Variants in FMR1NB observed in about 807,000 individuals in gnomAD.
FMR1NB encodes FMR1 neighbor, also known as FMR1 neighbor protein.
FMR1NB carries 10 observed loss-of-function variants against 16.8 expected under a neutral mutation model. The observed-to-expected ratio is 0.60, with a 90% CI of 0.37 to 1.01. The LOEUF (loss-of-function observed/expected upper bound fraction) is 1.01, where lower values mean the gene tolerates loss of function less well. FMR1NB is among the 50% of genes least tolerant of loss of function. FMR1NB has a pLI of 0.01. For synonymous variants in FMR1NB, 83 were observed against 79.1 expected (o/e 1.05, Z -0.26); for missense variants, 205 against 204.8 (o/e 1.00, Z 0.00).
At chrX:148,008,359 T>C in intron 3 of FMR1NB, 1 of 314,493 alleles carries the variant, frequency 3.2e-6, no homozygotes, top group Non-Finnish European at 5.5e-6. Flanking sequence ...TAATCAATGA[T>C]GGTACAAAAA....
chrX:148,021,397 C>CTT (rs781961309), intron 4 of FMR1NB, among the ~76,000 whole-genome samples: 4 of 90,734 alleles, frequency 4.4e-5, no homozygotes, highest in Admixed American at 2.4e-4. Context: ...TATGAAGGGG[C>CTT]TTTTTTTTTT....
At chrX:148,001,994 G>C (rs1330891713) in intron 1 of FMR1NB, among the ~76,000 whole-genome samples, 1 of 110,766 alleles carries the variant, frequency 9.0e-6, no homozygotes, top group Non-Finnish European at 1.9e-5. Context: ...TATACTCCAG[G>C]TGTATTAAAT....
At chrX:147,984,214 T>C (rs2044465067) in intron 1 of FMR1NB, among the ~76,000 whole-genome samples, 1 of 111,709 alleles carries the variant, frequency 9.0e-6, no homozygotes, top group Non-Finnish European at 1.9e-5. Flanking sequence ...CTAACGACTC[T>C]ATATAAATTT....
intron 4 of FMR1NB, among the ~76,000 whole-genome samples, chrX:148,016,815 G>A (rs1398424121): frequency 5.4e-5 from 6 of 110,645 alleles, no homozygotes; most frequent in Non-Finnish European, 3.8e-5. Context: ...TATAGTAGTC[G>A]ATGTTTTGAA....
intron 2 of FMR1NB, among the ~76,000 whole-genome samples, chrX:148,006,035 T>C (rs1049831678): frequency 1.8e-5 from 2 of 112,002 alleles, no homozygotes; most frequent in African/African-American, 3.2e-5. Flanking sequence ...TTGTTTCTCT[T>C]ATAAAGCAGG....
At chrX:148,005,377 C>T (rs1475100804) in intron 2 of FMR1NB, among the ~76,000 whole-genome samples, 2 of 111,231 alleles carry the variant, frequency 1.8e-5, no homozygotes, top group African/African-American at 6.5e-5. Flanking sequence ...GCAAGGAAAT[C>T]CATCCCATCT....
At chrX:148,003,358 C>A (rs1334377258) in intron 2 of FMR1NB, 38 bp downstream of exon 2, 2 of 1,191,622 alleles carry the variant, frequency 1.7e-6, no homozygotes, top group South Asian at 1.8e-5. Flanking sequence ...CTCTAATGTT[C>A]TTGTTTTGAA....
intron 4 of FMR1NB, among the ~76,000 whole-genome samples, chrX:148,010,820 A>G (rs2044620054): frequency 9.0e-6 from 1 of 111,169 alleles, no homozygotes; most frequent in African/African-American, 3.3e-5. Flanking sequence ...CTCCTGCTAA[A>G]TCCTGTCTTA....
chrX:148,014,151 T>C (rs1557189895), intron 4 of FMR1NB, among the ~76,000 whole-genome samples: 1 of 111,218 alleles, frequency 9.0e-6, no homozygotes, highest in East Asian at 2.8e-4. Context: ...TAATGATATA[T>C]CTAATCCAAG....
At chrX:148,018,534 T>A (rs1242279345) in intron 4 of FMR1NB, among the ~76,000 whole-genome samples, 2 of 111,717 alleles carry the variant, frequency 1.8e-5, no homozygotes, top group Non-Finnish European at 3.8e-5. Flanking sequence ...TCTATAACTA[T>A]CTGATCTTTG....
intron 4 of FMR1NB, among the ~76,000 whole-genome samples, chrX:148,023,596 A>T (rs1249531770): frequency 8.9e-6 from 1 of 111,788 alleles, no homozygotes; most frequent in Admixed American, 9.5e-5. Context: ...TGAGCTGAGG[A>T]TAGGATTATT....
At chrX:148,013,308 T>A (rs1573602) in intron 4 of FMR1NB, among the ~76,000 whole-genome samples, 18,471 of 110,879 alleles carry the variant, frequency 0.17, 1,846 homozygotes, top group African/African-American at 0.37. Flanking sequence ...AAATGAAGTG[T>A]CCTTTTCTCA....
chrX:147,993,419 C>G (rs902508319), intron 1 of FMR1NB, among the ~76,000 whole-genome samples: 1 of 87,547 alleles, frequency 1.1e-5, no homozygotes, highest in African/African-American at 5.3e-5. Context: ...GGAGAGGGGC[C>G]TTCCTTCTTT....
intron 4 of FMR1NB, among the ~76,000 whole-genome samples, chrX:148,013,125 G>A (rs1326900557): frequency 1.8e-5 from 2 of 111,509 alleles, no homozygotes; most frequent in East Asian, 2.8e-4. Context: ...CTTCTTGGAC[G>A]CTGTTCATGG....
At chrX:147,999,619 A>G (rs186406653) in intron 1 of FMR1NB, among the ~76,000 whole-genome samples, 237 of 110,370 alleles carry the variant, frequency 2.1e-3, no homozygotes, top group Non-Finnish European at 3.9e-3. Context: ...CTGTATCAGT[A>G]TCCACTTTTC....
chrX:147,985,928 CCCA>C (rs1468133485), intron 1 of FMR1NB, among the ~76,000 whole-genome samples: 1 of 112,076 alleles, frequency 8.9e-6, no homozygotes, highest in Admixed American at 9.4e-5. Flanking sequence ...AATTAACACT[CCCA>C]CCAACAGTGT....
chrX:147,987,309 C>A (rs1557187180), intron 1 of FMR1NB, among the ~76,000 whole-genome samples: 1 of 111,733 alleles, frequency 8.9e-6, no homozygotes, highest in East Asian at 2.8e-4. Flanking sequence ...TTTGAATACA[C>A]TTTATTTCTT....
chrX:147,987,961 C>G (rs1422242764), intron 1 of FMR1NB, among the ~76,000 whole-genome samples: 2 of 110,885 alleles, frequency 1.8e-5, no homozygotes, highest in Admixed American at 1.9e-4. Context: ...GGTCTTGGCT[C>G]TATCCAATTT....
At chrX:147,989,972 C>T (rs950288258) in intron 1 of FMR1NB, among the ~76,000 whole-genome samples, 1 of 108,939 alleles carries the variant, frequency 9.2e-6, no homozygotes, top group East Asian at 2.9e-4. Flanking sequence ...GGCTCCCTGG[C>T]TTCAGCCCCC....
Sources: gnomAD v4.1 joint callset for allele counts (sites outside exome capture counted in the v4.1 genomes callset) on GRCh38, gnomAD v4.1.1 for gene constraint, MANE v1.5 for transcripts, NCBI Gene and HGNC (gene_info 2026-07-23, HGNC 2026-07-21) for gene names.